Variants in CWH43 observed in about 807,000 individuals in gnomAD.
The protein encoded by CWH43 is PGAP2-interacting protein.
A neutral mutation model predicts 85.7 loss-of-function variants in CWH43; 91 were observed. The ratio of observed to expected loss-of-function variants is 1.06; its 90% CI spans 0.90 to 1.26. The LOEUF (loss-of-function observed/expected upper bound fraction) is 1.26, where lower values mean the gene tolerates loss of function less well. CWH43 is among the 50% of genes most tolerant of loss of function. The pLI is 0.00. For synonymous variants in CWH43, 323 were observed against 293.6 expected, an observed-to-expected ratio of 1.10 and a Z score of -1.02; for missense variants, 869 against 839.2, an observed-to-expected ratio of 1.04 and a Z score of -0.44.
At chr4:49,055,927 T>A (rs1278313303) in intron 15 of CWH43, among the ~76,000 whole-genome samples, 21 of 133,720 alleles carry the variant, frequency 1.6e-4, no homozygotes, top group East Asian at 6.2e-4. Flanking sequence ...TTTTTTTTTT[T>A]ATTATACTCT....
At chr4:49,057,137 G>C (rs994993309) in intron 15 of CWH43, among the ~76,000 whole-genome samples, 1 of 152,196 alleles carries the variant, frequency 6.6e-6, no homozygotes, top group Admixed American at 6.5e-5. Flanking sequence ...AGTCAATTTA[G>C]GAAGTTTATT....
chr4:49,048,049 T>C (rs1471521374), intron 14 of CWH43, among the ~76,000 whole-genome samples: 1 of 152,196 alleles, frequency 6.6e-6, no homozygotes, highest in East Asian at 1.9e-4. Context: ...TATCTAAGAT[T>C]GAAAACACTG....
At chr4:49,045,496 A>G (rs1226153267) in intron 14 of CWH43, among the ~76,000 whole-genome samples, 2 of 152,146 alleles carry the variant, frequency 1.3e-5, no homozygotes, top group Non-Finnish European at 2.9e-5. Flanking sequence ...TCATACTTTT[A>G]TTGTACCTTT....
chr4:49,052,005 A>G (rs1784813693), intron 15 of CWH43, among the ~76,000 whole-genome samples: 1 of 152,216 alleles, frequency 6.6e-6, no homozygotes, highest in South Asian at 2.1e-4. Context: ...AACATATCGT[A>G]TACATTATTA....
intron 14 of CWH43, among the ~76,000 whole-genome samples, chr4:49,050,130 C>A (rs145074567): frequency 6.6e-5 from 10 of 152,240 alleles, no homozygotes; most frequent in Non-Finnish European, 1.3e-4. Flanking sequence ...AAAATGAATT[C>A]TTTGTTGTTC....
intron 9 of CWH43, among the ~76,000 whole-genome samples, chr4:49,024,165 C>G (rs1783833107): frequency 6.6e-6 from 1 of 152,174 alleles, no homozygotes; most frequent in Non-Finnish European, 1.5e-5. Flanking sequence ...AATAGCAACT[C>G]CTGCTCACTT....
At chr4:49,017,142 T>G in intron 8 of CWH43, 107 bp from the exon 9 acceptor site, 4 of 922,116 alleles carry the variant, frequency 4.3e-6, no homozygotes, top group Non-Finnish European at 7.0e-6. Flanking sequence ...AAGAACTTCC[T>G]GGAGGGTGCC....
intron 9 of CWH43, 40 bp downstream of exon 9, chr4:49,017,368 A>T (rs1175103768): frequency 2.2e-6 from 3 of 1,345,308 alleles, no homozygotes. Context: ...TTTATATGGT[A>T]TATATATGTG....
intron 8 of CWH43, among the ~76,000 whole-genome samples, chr4:49,014,910 A>G (rs1157958603): frequency 6.6e-6 from 1 of 152,160 alleles, no homozygotes; most frequent in Non-Finnish European, 1.5e-5. Context: ...AGTTTACATT[A>G]GGGTTCACTT....
At chr4:49,024,917 G>A (rs555766340) in intron 9 of CWH43, among the ~76,000 whole-genome samples, 5 of 152,076 alleles carry the variant, frequency 3.3e-5, no homozygotes, top group Non-Finnish European at 7.4e-5. Context: ...GGCTAGGGAA[G>A]TTCTCCTCAA....
intron 14 of CWH43, among the ~76,000 whole-genome samples, chr4:49,045,859 T>C (rs1784607763): frequency 6.6e-6 from 1 of 152,190 alleles, no homozygotes; most frequent in East Asian, 1.9e-4. Context: ...TAAACATTTA[T>C]CATTTCTTTG....
At chr4:49,056,846 G>T (rs1050482925) in intron 15 of CWH43, among the ~76,000 whole-genome samples, 2 of 151,794 alleles carry the variant, frequency 1.3e-5, no homozygotes, top group Non-Finnish European at 2.9e-5. Context: ...GGTACATTGT[G>T]TTTCCATTTT....
At chr4:49,018,657 T>C (rs140580988) in intron 9 of CWH43, among the ~76,000 whole-genome samples, 180 of 152,350 alleles carry the variant, frequency 1.2e-3, no homozygotes, top group African/African-American at 4.1e-3. Context: ...TTCTATCTGA[T>C]CTGATAAAAA....
At chr4:49,010,217 G>A (rs926506272) in intron 8 of CWH43, among the ~76,000 whole-genome samples, 6 of 152,140 alleles carry the variant, frequency 3.9e-5, no homozygotes, top group Admixed American at 2.6e-4. Context: ...GGGTGTATGT[G>A]TACAGGAATT....
rs79737402 is a variant in CWH43 at position 49,006,558 on chromosome 4, T to C, written c.1061-643T>C. On this transcript the variant is annotated intron_variant, in intron 7 of 15. Transcript: ENST00000226432. ...TTTTACTTGACATTTCTTAAATGCC[T>C]TAATTTCTTAATTTCCATATGGCAG... Among the ~76,000 whole-genome samples the C allele has an allele frequency of 2.8e-4, 42 of 152,374 alleles. 1 individual carries two copies. The East Asian group carries it at 7.9e-3, about 29-fold the overall frequency.
chr4:49,061,910 T>A lies in CWH43; in HGVS notation c.*20T>A. On this transcript the variant is annotated 3_prime_UTR_variant, in exon 16 of 16. Transcript: ENST00000226432. ...TTATGAAACATTTAAAACAAGAAGT[T>A]ATTGGCTGGGAAAATCTAAGAAAAA... is the stretch of plus-strand genomic sequence containing the variant. 7.5e-7 allele frequency: 1 copy of A among 1,328,014 alleles called. No individual in the cohort carries two copies. Among genetic ancestry groups the A allele is most frequent in the Non-Finnish European group, 1.0e-6 (1 of 1,003,882 alleles). 82.3% of individuals were successfully genotyped at this position (1,328,014 alleles called of 1,614,324 possible). A position where few individuals can be genotyped will look rare whatever the true frequency, so the allele number is the denominator to read the frequency against.
intron 9 of CWH43, among the ~76,000 whole-genome samples, chr4:49,027,740 A>G (rs1783960028): frequency 6.6e-6 from 1 of 152,164 alleles, no homozygotes; most frequent in African/African-American, 2.4e-5. Context: ...GTTATTATTG[A>G]CTATAGTCAC....
At chr4:49,055,629 AC>A (rs1331165122) in intron 15 of CWH43, among the ~76,000 whole-genome samples, 1 of 148,746 alleles carries the variant, frequency 6.7e-6, no homozygotes, top group African/African-American at 2.5e-5. Context: ...CACTCTTGTC[AC>A]CCATGCTGGA....
chr4:49,044,723 G>T, intron 13 of CWH43, 63 bp from the exon 14 acceptor site: 4 of 1,240,634 alleles, frequency 3.2e-6, no homozygotes, highest in South Asian at 1.3e-5. Flanking sequence ...CACATTTTTT[G>T]GCAATGTGGA....
Sources: allele counts gnomAD v4.1 joint callset (sites outside exome capture counted in the v4.1 genomes callset), GRCh38; gene constraint gnomAD v4.1.1; transcripts MANE v1.5; gene names NCBI Gene and HGNC (gene_info 2026-07-23, HGNC 2026-07-21).